The following LRRC1 variants were observed in gnomAD, a reference collection of about 807,000 sequenced individuals.
The protein encoded by LRRC1 is leucine-rich repeat-containing protein 1.
In LRRC1, 28 loss-of-function variants were observed where a neutral mutation model predicts 69.9. The observed-to-expected ratio is 0.40, with a 90% CI of 0.30 to 0.55. The LOEUF is 0.55. LRRC1 is among the 20% of genes least tolerant of loss of function. LRRC1 has a pLI of 0.47. For synonymous variants in LRRC1, 236 were observed against 240.2 expected, an observed-to-expected ratio of 0.98 and a Z score of 0.16; for missense variants, 498 against 609.0, an observed-to-expected ratio of 0.82 and a Z score of 1.92.
At chr6:53,885,971 G>T (rs976707162) in intron 4 of LRRC1, among the ~76,000 whole-genome samples, 1 of 152,000 alleles carries the variant, frequency 6.6e-6, no homozygotes, top group Non-Finnish European at 1.5e-5. Flanking sequence ...GCCCTTATGG[G>T]CTCAGTAACT....
intron 2 of LRRC1, among the ~76,000 whole-genome samples, chr6:53,852,354 G>T (rs1036618036): frequency 6.6e-6 from 1 of 152,180 alleles, no homozygotes; most frequent in African/African-American, 2.4e-5. Context: ...GACTGTCCAA[G>T]TAAGAATACA....
chr6:53,837,901 G>C (rs1177115992), intron 1 of LRRC1, among the ~76,000 whole-genome samples: 1 of 152,182 alleles, frequency 6.6e-6, no homozygotes, highest in African/African-American at 2.4e-5. Context: ...AGGCAATTTG[G>C]GTTCCTTTGC....
chr6:53,856,632 A>G (rs1766318477), intron 2 of LRRC1, among the ~76,000 whole-genome samples: 1 of 152,218 alleles, frequency 6.6e-6, no homozygotes, highest in African/African-American at 2.4e-5. Flanking sequence ...GCAAGAAATT[A>G]CTGGAGCCGG....
At chr6:53,810,952 A>C (rs1012093784) in intron 1 of LRRC1, among the ~76,000 whole-genome samples, 11 of 152,154 alleles carry the variant, frequency 7.2e-5, no homozygotes, top group African/African-American at 2.7e-4. Context: ...AATGAGATTC[A>C]TCAGGACAGG....
intron 1 of LRRC1, among the ~76,000 whole-genome samples, chr6:53,837,268 C>T (rs977180530): frequency 6.6e-6 from 1 of 151,474 alleles, no homozygotes; most frequent in Non-Finnish European, 1.5e-5. Context: ...GTAACAAAGT[C>T]ACAGTCACTT....
At chr6:53,901,345 G>A (rs1278640122) in intron 8 of LRRC1, among the ~76,000 whole-genome samples, 1 of 152,176 alleles carries the variant, frequency 6.6e-6, no homozygotes, top group Non-Finnish European at 1.5e-5. Flanking sequence ...TTTAAGACCA[G>A]CTTGGGCATC....
At chr6:53,920,564 C>A in intron 12 of LRRC1, 61 bp from the exon 13 acceptor site, 1 of 1,602,870 alleles carries the variant, frequency 6.2e-7, no homozygotes, top group South Asian at 1.1e-5. Context: ...CCGCAAAGTT[C>A]ATAGCATTTA....
intron 1 of LRRC1, among the ~76,000 whole-genome samples, chr6:53,812,607 G>A (rs1025488893): frequency 3.3e-5 from 5 of 150,308 alleles, no homozygotes; most frequent in African/African-American, 9.8e-5. Flanking sequence ...GGAGAATGGC[G>A]TGAACCCGGG....
intron 2 of LRRC1, among the ~76,000 whole-genome samples, chr6:53,875,091 A>T (rs983685097): frequency 2.0e-5 from 3 of 152,214 alleles, no homozygotes; most frequent in Non-Finnish European, 4.4e-5. Context: ...ATGAAAGTAT[A>T]AGTGGGCATA....
At position 53,795,293 on chromosome 6, in the gene LRRC1, C is replaced by T; in HGVS notation, c.37C>T (p.His13Tyr). Residue 13 changes from histidine to tyrosine, a missense_variant, in exon 1 of 14, where the codon CAT (histidine) becomes TAT (tyrosine). By Grantham distance (83) the His-to-Tyr change is moderately conservative (BLOSUM62 2). Transcript: ENST00000370888. Reference protein sequence around the residue: ...HCIPLWRCNRHVESIDKRHCS... With the variant: ...HCIPLWRCNRYVESIDKRHCS... Reference sequence around the variant, plus strand: ...CATCCCCCTGTGGCGGTGCAACCGTCATGTGGAGAGCATCGACAAGCGCCA... The same window carrying T: ...CATCCCCCTGTGGCGGTGCAACCGTTATGTGGAGAGCATCGACAAGCGCCA... The T allele has an allele frequency of 6.2e-6, 10 of 1,612,860 alleles. No homozygotes were observed. Among genetic ancestry groups the T allele is most frequent in the Non-Finnish European group, 7.6e-6 (9 of 1,179,866 alleles).
chr6:53,865,942 G>A (rs1290683250), intron 2 of LRRC1, among the ~76,000 whole-genome samples: 1 of 151,880 alleles, frequency 6.6e-6, no homozygotes, highest in Non-Finnish European at 1.5e-5. Flanking sequence ...GGATGCTTTC[G>A]ACCTCCTGAC....
chr6:53,904,060 A>G (rs1482900448), intron 9 of LRRC1, among the ~76,000 whole-genome samples: 1 of 152,244 alleles, frequency 6.6e-6, no homozygotes, highest in East Asian at 1.9e-4. Flanking sequence ...CAGGCAGGGC[A>G]GGAATGAATC....
At chr6:53,805,348 C>A (rs774015769) in intron 1 of LRRC1, among the ~76,000 whole-genome samples, 3 of 152,088 alleles carry the variant, frequency 2.0e-5, no homozygotes, top group Non-Finnish European at 4.4e-5. Flanking sequence ...GTGTTTGGAG[C>A]ATAGATTCTT....
chr6:53,850,556 A>C (rs1004442303), intron 2 of LRRC1, among the ~76,000 whole-genome samples: 5 of 152,262 alleles, frequency 3.3e-5, no homozygotes, highest in African/African-American at 1.2e-4. Flanking sequence ...AACTCAGTGC[A>C]TAATAATAAC....
At chr6:53,820,942 C>A (rs979428530) in intron 1 of LRRC1, among the ~76,000 whole-genome samples, 1 of 152,186 alleles carries the variant, frequency 6.6e-6, no homozygotes, top group African/African-American at 2.4e-5. Flanking sequence ...TAGTATTCCA[C>A]AGTGCCAAGC....
intron 4 of LRRC1, among the ~76,000 whole-genome samples, chr6:53,895,138 C>T (rs1316279166): frequency 3.3e-5 from 5 of 152,072 alleles, no homozygotes; most frequent in Non-Finnish European, 5.9e-5. Flanking sequence ...GGGATGGTCT[C>T]GATCTCCTGA....
At chr6:53,895,003 C>T (rs940042505) in intron 4 of LRRC1, among the ~76,000 whole-genome samples, 13 of 151,834 alleles carry the variant, frequency 8.6e-5, no homozygotes, top group African/African-American at 1.2e-4. Context: ...CTGCAAGCTC[C>T]GCCTTCCAGG....
intron 2 of LRRC1, among the ~76,000 whole-genome samples, chr6:53,876,748 G>A (rs939826788): frequency 2.0e-4 from 30 of 152,282 alleles, no homozygotes; most frequent in Admixed American, 1.7e-3. Flanking sequence ...GATGTAAGAG[G>A]TATGTTCCCA....
chr6:53,832,024 T>C (rs1300732755), intron 1 of LRRC1, among the ~76,000 whole-genome samples: 2 of 152,202 alleles, frequency 1.3e-5, no homozygotes, highest in Non-Finnish European at 2.9e-5. Flanking sequence ...TTAATGTTGG[T>C]GTATTTGCTG....
Sources: gnomAD v4.1 joint callset for allele counts (sites outside exome capture counted in the v4.1 genomes callset) on GRCh38, gnomAD v4.1.1 for gene constraint, MANE v1.5 for transcripts, NCBI Gene and HGNC (gene_info 2026-07-23, HGNC 2026-07-21) for gene names.